The following DHX9 variants were observed in gnomAD, a reference collection of about 807,000 sequenced individuals.
DHX9 encodes ATP-dependent RNA helicase A.
Under a neutral mutation model 148.7 loss-of-function variants are expected in DHX9, and 27 were observed. The ratio of observed to expected loss-of-function variants is 0.18; its 90% confidence interval spans 0.13 to 0.25. The LOEUF (loss-of-function observed/expected upper bound fraction) is 0.25. Among genes scored for constraint, DHX9 ranks in the 10% least tolerant of loss-of-function variants. The pLI is 1.00. For missense variants in DHX9, 796 were observed against 1,559.6 expected (o/e 0.51, Z 8.25); for synonymous variants, 529 against 516.6 (o/e 1.02, Z -0.33).
chr1:182,846,633 G>A (rs564219892), intron 3 of DHX9, among the ~76,000 whole-genome samples: 1 of 152,262 alleles, frequency 6.6e-6, no homozygotes, highest in Non-Finnish European at 1.5e-5. Context: ...TATGTAATGT[G>A]GTAGTCTGTG....
intron 5 of DHX9, 39 bp downstream of exon 5, chr1:182,853,457 A>G (rs1182286428): frequency 2.7e-6 from 4 of 1,472,006 alleles, no homozygotes; most frequent in Non-Finnish European, 3.8e-6. Context: ...TGAGAATGTG[A>G]TTTGGGACTT....
chr1:182,858,473 C>A, intron 8 of DHX9, 78 bp from the exon 9 acceptor site: 1 of 1,252,836 alleles, frequency 8.0e-7, no homozygotes, highest in Non-Finnish European at 1.1e-6. Context: ...TATTGTAGAC[C>A]TAGTGTTGAC....
intron 1 of DHX9, among the ~76,000 whole-genome samples, chr1:182,841,587 T>G (rs1667931200): frequency 6.6e-6 from 1 of 152,260 alleles, no homozygotes. Flanking sequence ...GTAACAAATT[T>G]ATGCTAGGGG....
intron 27 of DHX9, among the ~76,000 whole-genome samples, chr1:182,885,027 T>C (rs1449986197): frequency 1.3e-5 from 2 of 152,210 alleles, no homozygotes; most frequent in African/African-American, 4.8e-5. Context: ...GTCTGCTGCA[T>C]CAGTGCATGT....
intron 27 of DHX9, among the ~76,000 whole-genome samples, chr1:182,886,486 GCACCCAGC>G (rs1197677849): frequency 9.9e-5 from 15 of 152,200 alleles, no homozygotes; most frequent in African/African-American, 2.6e-4. Context: ...CTGAACCACT[GCACCCAGC>G]CACACAGCCA....
intron 20 of DHX9, among the ~76,000 whole-genome samples, chr1:182,878,759 A>G (rs1208534120): frequency 6.6e-6 from 1 of 152,278 alleles, no homozygotes; most frequent in Non-Finnish European, 1.5e-5. Context: ...AAACGCTCTA[A>G]TGAGCATTTC....
chr1:182,860,989 T>G (rs1388583106), intron 12 of DHX9, among the ~76,000 whole-genome samples: 1 of 152,252 alleles, frequency 6.6e-6, no homozygotes, highest in Non-Finnish European at 1.5e-5. Context: ...TTAATGTTGC[T>G]TAACCTGGGA....
chr1:182,884,300 T>A, intron 26 of DHX9, among the ~76,000 whole-genome samples: 1 of 152,110 alleles, frequency 6.6e-6, no homozygotes, highest in Admixed American at 6.5e-5. Flanking sequence ...ATGATCCATA[T>A]TGCTGGACTT....
At chr1:182,860,349 T>G in intron 12 of DHX9, 165 bp downstream of exon 12, 9 of 561,708 alleles carry the variant, frequency 1.6e-5, no homozygotes, top group East Asian at 3.4e-5. Flanking sequence ...TTCTAATCTC[T>G]AGTATGCTAC....
In DHX9 at chr1:182,853,432, C is replaced by T. The variant is rs188145819; in HGVS notation, c.477+14C>T. The T allele has an allele frequency of 4.0e-5, 63 of 1,574,124 alleles. No individual in the cohort carries two copies. The highest frequency in any genetic ancestry group is 2.5e-4 in the South Asian group (22 of 88,868). On this transcript the variant is annotated intron_variant, in intron 5 of 27. Transcript: ENST00000367549. ...GAAGTGCAAGCGGTAAGGCCAGCAC[C>T]GTAGGTTACATCTCTGAGAATGTGA...
intron 7 of DHX9, 26 bp from the exon 8 acceptor site, chr1:182,858,078 C>G: frequency 6.3e-7 from 1 of 1,595,688 alleles, no homozygotes; most frequent in Non-Finnish European, 8.5e-7. Context: ...TTCTTTCTGT[C>G]TGATAATCCT....
chr1:182,864,432 G>T (rs889208297), intron 12 of DHX9, among the ~76,000 whole-genome samples: 2 of 152,150 alleles, frequency 1.3e-5, no homozygotes, highest in Non-Finnish European at 2.9e-5. Flanking sequence ...GAACATACTT[G>T]TATACGCCTT....
chr1:182,845,881 C>T (rs920237094), intron 3 of DHX9, among the ~76,000 whole-genome samples: 1 of 152,186 alleles, frequency 6.6e-6, no homozygotes, highest in African/African-American at 2.4e-5. Context: ...AGCTCCCATG[C>T]CCTGCCTCGA....
chr1:182,872,626 G>A lies in DHX9; in HGVS notation c.1714+133G>A. ...AAATTATAGTATCAAATGTATCATA[G>A]CATTTTTGAGGAGTTTCTCTTCTGT... is the stretch of plus-strand genomic sequence containing the variant. On this transcript the variant is annotated intron_variant, in intron 15 of 27. Coordinates refer to ENST00000367549, the MANE Select transcript of DHX9 (RefSeq NM_001357.5). 3.0e-6 allele frequency: 3 copies of A among 1,005,628 alleles called. No homozygotes were observed. The South Asian group carries it at 5.2e-5, about 17-fold the overall frequency. The allele number at this position is 1,005,628 out of a possible 1,614,324, so 62.3% of individuals were successfully genotyped here.
chr1:182,845,122 TTA>T (rs1374964616), intron 3 of DHX9, among the ~76,000 whole-genome samples: 49 of 152,362 alleles, frequency 3.2e-4, no homozygotes, highest in African/African-American at 1.2e-3. Context: ...TGCTGGGTAA[TTA>T]TAGTATCTTA....
intron 4 of DHX9, 47 bp downstream of exon 4, chr1:182,852,391 A>C: frequency 2.3e-6 from 3 of 1,292,406 alleles, no homozygotes; most frequent in Non-Finnish European, 3.3e-6. Context: ...AGATATACAC[A>C]ATCTTGATCA....
At chr1:182,867,102 G>A (rs1460768202) in intron 14 of DHX9, 59 bp downstream of exon 14, 5 of 1,047,554 alleles carry the variant, frequency 4.8e-6, no homozygotes, top group African/African-American at 1.7e-5. Flanking sequence ...AGAGAAATCA[G>A]TAGAATGTCT....
chr1:182,842,769 T>C, intron 2 of DHX9, 92 bp downstream of exon 2: 17 of 941,786 alleles, frequency 1.8e-5, no homozygotes, highest in Non-Finnish European at 2.5e-5. Context: ...TGTTAATGTG[T>C]TGCACATTAG....
At chr1:182,875,384 A>G (rs1250609927) in intron 16 of DHX9, among the ~76,000 whole-genome samples, 5 of 152,222 alleles carry the variant, frequency 3.3e-5, no homozygotes, top group African/African-American at 9.6e-5. Context: ...TGTATATACA[A>G]TAAAGTTTAA....
Sources: allele counts gnomAD v4.1 joint callset (sites outside exome capture counted in the v4.1 genomes callset), GRCh38; gene constraint gnomAD v4.1.1; transcripts MANE v1.5; gene names NCBI Gene and HGNC (gene_info 2026-07-23, HGNC 2026-07-21).